RPA3: variants seen among roughly 807,000 people sequenced by gnomAD.
RPA3 encodes the protein replication protein A3.
A neutral mutation model predicts 13.7 loss-of-function variants in RPA3; 24 were observed. The ratio of observed to expected loss-of-function variants is 1.75; its 90% CI spans 1.27 to 2.46. The LOEUF is 2.46. RPA3 is among the 30% of genes most tolerant of loss of function. The pLI, the probability that RPA3 is intolerant of heterozygous loss-of-function variation, is 0.00. For synonymous variants in RPA3, 59 were observed against 51.2 expected (o/e 1.15, Z -0.65); for missense variants, 183 against 151.0 (o/e 1.21, Z -1.11).
chr7:7,709,845 C>G (rs531133911), intron 2 of RPA3, among the ~76,000 whole-genome samples: 69 of 152,122 alleles, frequency 4.5e-4, no homozygotes, highest in Non-Finnish European at 8.7e-4. Context: ...TGTGTACCCA[C>G]CAATTGGTTT....
chr7:7,684,849 G>A (rs1583733870), intron 4 of RPA3, among the ~76,000 whole-genome samples: 2 of 152,124 alleles, frequency 1.3e-5, no homozygotes, highest in Middle Eastern at 3.2e-3. Context: ...CTATTTGGGG[G>A]TAGTTGACTG....
chr7:7,638,321 A>AG (rs1784897886), intron 6 of RPA3: 1 of 159,732 alleles, frequency 6.3e-6, no homozygotes, highest in Admixed American at 6.4e-5. Context: ...TACATTAACC[A>AG]AACAGCATAT....
chr7:7,661,307 C>T (rs899339042), intron 4 of RPA3, among the ~76,000 whole-genome samples: 1 of 152,142 alleles, frequency 6.6e-6, no homozygotes, highest in Non-Finnish European at 1.5e-5. Context: ...ATCTCTGAAG[C>T]CTCCTTCTTT....
chr7:7,716,225 A>G (rs935062997), intron 1 of RPA3, among the ~76,000 whole-genome samples: 2 of 152,200 alleles, frequency 1.3e-5, no homozygotes, highest in African/African-American at 4.8e-5. Context: ...TCTATGTTGT[A>G]TTGAATAACA....
intron 4 of RPA3, among the ~76,000 whole-genome samples, chr7:7,662,164 C>T (rs995535767): frequency 1.1e-4 from 17 of 152,140 alleles, no homozygotes; most frequent in Non-Finnish European, 1.5e-5. Flanking sequence ...TTCCCCCCAC[C>T]AAGCTCGAGT....
intron 2 of RPA3, among the ~76,000 whole-genome samples, chr7:7,698,805 G>C (rs1444309515): frequency 1.3e-5 from 2 of 151,572 alleles, no homozygotes; most frequent in Non-Finnish European, 2.9e-5. Flanking sequence ...AAGTGATTTG[G>C]AGCCAAAAAC....
At chr7:7,716,673 C>A (rs1343411315) in intron 1 of RPA3, among the ~76,000 whole-genome samples, 1 of 152,218 alleles carries the variant, frequency 6.6e-6, no homozygotes, top group East Asian at 1.9e-4. Context: ...GCGGCCGGCG[C>A]GGTGGCTCAC....
chr7:7,665,980 G>T (rs1779443197), intron 4 of RPA3, among the ~76,000 whole-genome samples: 1 of 151,980 alleles, frequency 6.6e-6, no homozygotes, highest in Admixed American at 6.6e-5. Flanking sequence ...TAAAAAAAAA[G>T]TTGTTACAAC....
intron 2 of RPA3, among the ~76,000 whole-genome samples, chr7:7,704,962 G>C (rs1780561924): frequency 6.6e-6 from 1 of 152,094 alleles, no homozygotes; most frequent in Non-Finnish European, 1.5e-5. Flanking sequence ...GAAGATTCTG[G>C]ATAAACTCAG....
chr7:7,707,625 A>G (rs2115164638), intron 2 of RPA3, among the ~76,000 whole-genome samples: 1 of 152,328 alleles, frequency 6.6e-6, no homozygotes, highest in African/African-American at 2.4e-5. Context: ...ATAAAAGACT[A>G]AATGATATTT....
At chr7:7,662,842 T>C (rs560537230) in intron 4 of RPA3, among the ~76,000 whole-genome samples, 11 of 152,314 alleles carry the variant, frequency 7.2e-5, no homozygotes, top group Admixed American at 6.5e-4. Context: ...TTAGATTTTG[T>C]TGAATAAATT....
intron 4 of RPA3, among the ~76,000 whole-genome samples, chr7:7,670,832 G>T (rs1284709696): frequency 6.6e-6 from 1 of 152,206 alleles, no homozygotes. Flanking sequence ...GTCAAAAGTT[G>T]TAGCAATTCT....
chr7:7,714,857 T>C (rs1026016593), intron 2 of RPA3, among the ~76,000 whole-genome samples: 96 of 149,936 alleles, frequency 6.4e-4, no homozygotes, highest in East Asian at 9.7e-4. Flanking sequence ...ATTTTTCTTT[T>C]TTTTTTTTTT....
chr7:7,672,710 G>A (rs543788618), intron 4 of RPA3, among the ~76,000 whole-genome samples: 30 of 152,074 alleles, frequency 2.0e-4, no homozygotes, highest in Non-Finnish European at 4.3e-4. Context: ...AGTTTCCTGA[G>A]GCCTCCCCAG....
intron 2 of RPA3, chr7:7,689,522 C>G (rs1780123112): frequency 6.6e-6 from 1 of 152,124 alleles, no homozygotes; most frequent in Non-Finnish European, 1.5e-5. Flanking sequence ...ATGTTACTTG[C>G]AGCTGAAAAT....
chr7:7,674,360 G>A (rs1017996709), intron 4 of RPA3, among the ~76,000 whole-genome samples: 1 of 152,172 alleles, frequency 6.6e-6, no homozygotes, highest in African/African-American at 2.4e-5. Context: ...TGAGAAATAA[G>A]GGATGTTTCC....
In RPA3 at chr7:7,640,484, T is replaced by A; in HGVS notation, c.-66A>T. The stretch of plus-strand genomic sequence containing the variant: ...CGACTGAAACTGTGCGCCCCGCGGG[T>A]GTCTATGGGGCAGATTTCTCGGCAC... On this transcript the variant is annotated 5_prime_UTR_variant, in exon 5 of 8. Coordinates refer to ENST00000223129, the MANE Select transcript of RPA3 (RefSeq NM_002947.5). 2.5e-5 allele frequency: 36 copies of A among 1,465,144 alleles called. No individual in the cohort carries two copies. Among genetic ancestry groups the A allele is most frequent in the Non-Finnish European group, 3.2e-5 (34 of 1,049,186 alleles). The allele number at this position is 1,465,144 out of a possible 1,614,324, so 90.8% of individuals were successfully genotyped here.
At chr7:7,713,911 T>G (rs1780827547) in intron 2 of RPA3, among the ~76,000 whole-genome samples, 1 of 152,192 alleles carries the variant, frequency 6.6e-6, no homozygotes, top group South Asian at 2.1e-4. Flanking sequence ...GACAGCTCAC[T>G]GCAGCCTCGA....
chr7:7,658,566 A>C (rs1179235071), intron 4 of RPA3, among the ~76,000 whole-genome samples: 3 of 152,218 alleles, frequency 2.0e-5, no homozygotes, highest in African/African-American at 7.2e-5. Flanking sequence ...CTATTGAGAT[A>C]GTCATGTGGT....
Sources: gnomAD v4.1 joint callset for allele counts (sites outside exome capture counted in the v4.1 genomes callset) on GRCh38, gnomAD v4.1.1 for gene constraint, MANE v1.5 for transcripts, NCBI Gene and HGNC (gene_info 2026-07-23, HGNC 2026-07-21) for gene names.